Variants in RIMS4 observed in about 807,000 individuals in gnomAD.
RIMS4 encodes regulating synaptic membrane exocytosis 4, also known as regulating synaptic membrane exocytosis protein 4.
Under a neutral mutation model 29.0 loss-of-function variants are expected in RIMS4, and 9 were observed. The observed-to-expected ratio is 0.31, with a 90% CI of 0.19 to 0.54. The LOEUF is 0.54. Among genes scored for constraint, RIMS4 ranks in the 20% least tolerant of loss-of-function variants. The pLI is 0.94. For missense variants in RIMS4, 193 were observed against 365.7 expected (o/e 0.53, Z 3.85); for synonymous variants, 130 against 152.9 (o/e 0.85, Z 1.10).
intron 1 of RIMS4, among the ~76,000 whole-genome samples, chr20:44,785,474 G>A (rs2066204161): frequency 6.6e-6 from 1 of 152,132 alleles, no homozygotes; most frequent in South Asian, 2.1e-4. Context: ...GCCTTCCAAA[G>A]AGCTTGGATT....
intron 1 of RIMS4, among the ~76,000 whole-genome samples, chr20:44,777,103 T>C (rs982170063): frequency 2.0e-5 from 3 of 152,216 alleles, no homozygotes; most frequent in Non-Finnish European, 1.5e-5. Flanking sequence ...AACTATTCCA[T>C]GGCACCTTGA....
chr20:44,809,600 C>G (rs1174675085), intron 1 of RIMS4, among the ~76,000 whole-genome samples: 1 of 152,222 alleles, frequency 6.6e-6, no homozygotes, highest in Non-Finnish European at 1.5e-5. Context: ...CGGTTCCCCT[C>G]CGTCTGCCCC....
rs774925724 is a variant in RIMS4, at chr20:44,756,910, G to A, written c.579C>T (p.Gly193=). 2.5e-6 allele frequency: 4 copies of A among 1,613,862 alleles called. No individual in the cohort carries two copies. Among genetic ancestry groups the A allele is most frequent in the Non-Finnish European group, 3.4e-6 (4 of 1,179,920 alleles). ...CAATGCCCCTCACCTGGAGGACTTT[G>A]CCCTGGGGACTCTCAGGAAACAGCA... is the stretch of plus-strand genomic sequence containing the variant. ...QVLLFPESPQ[G]KVLQVIVWGN... is the part of the protein sequence containing the mutation. The change falls in exon 5 of 6, where the codon GGC becomes GGT. Residue 193 remains glycine, a synonymous_variant. Coordinates refer to ENST00000372851, the MANE Select transcript of RIMS4 (RefSeq NM_182970.4). The surrounding 1 kb of genome is among the most constrained non-coding windows in gnomAD (Gnocchi z 5.9).
intron 2 of RIMS4, among the ~76,000 whole-genome samples, chr20:44,770,149 C>A (rs1384607686): frequency 6.6e-6 from 1 of 152,128 alleles, no homozygotes; most frequent in African/African-American, 2.4e-5. Context: ...ATCATGATAT[C>A]CCACCCCACT....
At position 44,757,709 on chromosome 20, in the gene RIMS4, G is replaced by A. The variant is rs1272618279; in HGVS notation, c.412C>T (p.Arg138Trp). ...GQLEVDIIQA[R>W]GLTAKPGSKT... ...GAGCCTGGCTTGGCTGTCAGTCCCC[G>A]AGCCTGGATAATGTCCACCTCCAAC... Residue 138 changes from arginine (R) to tryptophan (W), a missense_variant, in exon 4 of 6, where the codon CGG becomes TGG. Arg to Trp is a moderately radical substitution (Grantham distance 101). Coordinates refer to ENST00000372851, the MANE Select transcript of RIMS4 (RefSeq NM_182970.4). 6.2e-7 allele frequency: 1 copy of A among 1,614,088 alleles called. No homozygotes were observed.
rs1053977684 is a variant in RIMS4 at position 44,771,235 on chromosome 20, A to T, written c.236+40T>A. On this transcript the variant is annotated intron_variant, in intron 2 of 5. Transcript: ENST00000372851. ...AGTCCCTCCCGTGCCCCACCACAAA[A>T]GACTGCAAGAACCAGGAGGGCTGGT... 2.5e-6 allele frequency: 4 copies of T among 1,584,344 alleles called. No individual in the cohort carries two copies. In the African/African-American group the frequency reaches 5.4e-5, roughly 21 times the overall value.
intron 1 of RIMS4, among the ~76,000 whole-genome samples, chr20:44,796,259 T>A (rs1026191859): frequency 6.6e-6 from 1 of 152,074 alleles, no homozygotes; most frequent in African/African-American, 2.4e-5. Context: ...CATGATCGGA[T>A]TATTAGTTGC....
chr20:44,771,411 C>A lies in RIMS4; in HGVS notation c.100G>T (p.Asp34Tyr). The A allele has an allele frequency of 6.2e-7, 1 of 1,611,050 alleles. No homozygotes were observed. Among genetic ancestry groups the A allele is most frequent in the Non-Finnish European group, 8.5e-7 (1 of 1,178,220 alleles). The change falls in exon 2 of 6, where the codon GAC becomes TAC. Residue 34 changes from aspartate (D) to tyrosine (Y), a missense_variant and splice_region_variant. Coordinates refer to ENST00000372851, the MANE Select transcript of RIMS4 (RefSeq NM_182970.4). ...ATGGCCCCCTTCAGCCTCCGGCTGT[C>A]CCCTTCTGGGCAAAGCGGCCAAGAG... ...MNSFDDEDAG[D>Y]SRRLKGAIQR...
chr20:44,789,678 C>T (rs989299432), intron 1 of RIMS4, among the ~76,000 whole-genome samples: 1 of 152,158 alleles, frequency 6.6e-6, no homozygotes, highest in Non-Finnish European at 1.5e-5. Flanking sequence ...ACGTCAGCCT[C>T]CTGAGCAGCT....
intron 1 of RIMS4, among the ~76,000 whole-genome samples, chr20:44,793,977 G>T (rs2066244140): frequency 6.6e-6 from 1 of 152,220 alleles, no homozygotes; most frequent in Non-Finnish European, 1.5e-5. Flanking sequence ...GCTGAGGCAG[G>T]AGGATCACTT....
At chr20:44,805,780 A>AG (rs929111148) in intron 1 of RIMS4, among the ~76,000 whole-genome samples, 27 of 151,962 alleles carry the variant, frequency 1.8e-4, no homozygotes, top group African/African-American at 6.3e-4. Context: ...ATAAAGGGGG[A>AG]GGGGGAGAAC....
intron 1 of RIMS4, among the ~76,000 whole-genome samples, chr20:44,772,162 C>A (rs2066140180): frequency 6.6e-6 from 1 of 152,098 alleles, no homozygotes; most frequent in East Asian, 1.9e-4. Context: ...CCATCAGCCG[C>A]CCACTCCTTC....
At chr20:44,795,410 C>T (rs749869903) in intron 1 of RIMS4, among the ~76,000 whole-genome samples, 6 of 151,962 alleles carry the variant, frequency 3.9e-5, no homozygotes, top group Non-Finnish European at 7.4e-5. Context: ...CTGAGGCAGG[C>T]GGATCATGAA....
intron 1 of RIMS4, among the ~76,000 whole-genome samples, chr20:44,777,192 G>A (rs1291941233): frequency 2.0e-5 from 3 of 152,148 alleles, no homozygotes; most frequent in Admixed American, 2.0e-4. Context: ...TTCAGCACCA[G>A]GGATAGCGCC....
intron 2 of RIMS4, among the ~76,000 whole-genome samples, chr20:44,767,896 T>TGG (rs1252852421): frequency 6.6e-6 from 1 of 152,224 alleles, no homozygotes; most frequent in Non-Finnish European, 1.5e-5. Flanking sequence ...ACAAACCAGC[T>TGG]GGGGGTCTCA....
chr20:44,764,053 TCCATCCATCCATTTATCC>T, intron 2 of RIMS4, among the ~76,000 whole-genome samples: 1 of 150,500 alleles, frequency 6.6e-6, no homozygotes, highest in South Asian at 2.1e-4. Context: ...CATTTATCCA[TCCATCCATCCATTTATCC>T]ATCCATCCAT....
chr20:44,793,966 C>T (rs1330373365), intron 1 of RIMS4, among the ~76,000 whole-genome samples: 3 of 152,074 alleles, frequency 2.0e-5, no homozygotes, highest in Admixed American at 6.6e-5. Flanking sequence ...CTTTTTGGGA[C>T]GCTGAGGCAG....
intron 4 of RIMS4, 89 bp from the exon 5 acceptor site, chr20:44,757,126 G>T (rs954178713): frequency 2.1e-6 from 3 of 1,424,672 alleles, no homozygotes; most frequent in African/African-American, 1.4e-5. Flanking sequence ...CCCACCCTCT[G>T]CTGGAGATAG....
At chr20:44,784,662 G>T (rs533998354) in intron 1 of RIMS4, among the ~76,000 whole-genome samples, 5 of 152,232 alleles carry the variant, frequency 3.3e-5, no homozygotes, top group African/African-American at 1.2e-4. Flanking sequence ...CTTAACGCAC[G>T]CTGGGTCTCC....
Sources: allele counts gnomAD v4.1 joint callset (sites outside exome capture counted in the v4.1 genomes callset), GRCh38; gene constraint gnomAD v4.1.1; non-coding constraint Gnocchi (gnomAD v3.1); transcripts MANE v1.5; gene names NCBI Gene and HGNC (gene_info 2026-07-23, HGNC 2026-07-21).